Variants in GULP1 observed in about 807,000 individuals in gnomAD.
GULP1 encodes GULP PTB domain containing engulfment adaptor 1, also known as PTB domain-containing engulfment adapter protein 1.
Under a neutral mutation model 40.9 loss-of-function variants are expected in GULP1, and 19 were observed. The ratio of observed to expected loss-of-function variants is 0.46; its 90% CI spans 0.32 to 0.68. The LOEUF is 0.68. GULP1 is among the 30% of genes least tolerant of loss of function. The pLI is 0.03. For missense variants in GULP1, 312 were observed against 362.2 expected (o/e 0.86, Z 1.12); for synonymous variants, 119 against 117.6 (o/e 1.01, Z -0.08).
At chr2:188,566,681 A>AGC (rs1697764361) in intron 7 of GULP1, among the ~76,000 whole-genome samples, 2 of 151,022 alleles carry the variant, frequency 1.3e-5, no homozygotes, top group South Asian at 4.2e-4. Context: ...CTGTAGTCCC[A>AGC]GCTACTCAGG....
chr2:188,426,476 A>C, intron 2 of GULP1, among the ~76,000 whole-genome samples: 1 of 152,176 alleles, frequency 6.6e-6, no homozygotes. Flanking sequence ...TTCTGTACAG[A>C]ATACAGATTC....
chr2:188,504,459 C>A (rs1239954725), intron 4 of GULP1, among the ~76,000 whole-genome samples: 4 of 151,746 alleles, frequency 2.6e-5, no homozygotes, highest in African/African-American at 9.7e-5. Flanking sequence ...GTTGTTATAA[C>A]AATTATAAAG....
intron 9 of GULP1, among the ~76,000 whole-genome samples, chr2:188,575,205 T>G (rs1279383776): frequency 6.6e-6 from 1 of 152,206 alleles, no homozygotes; most frequent in African/African-American, 2.4e-5. Context: ...AAATTGTTCT[T>G]AGTAGTAGAC....
At chr2:188,536,476 T>C (rs1466677413) in intron 6 of GULP1, among the ~76,000 whole-genome samples, 1 of 152,192 alleles carries the variant, frequency 6.6e-6, no homozygotes, top group Non-Finnish European at 1.5e-5. Context: ...TTGTTGACTT[T>C]GTCAAAGATC....
At chr2:188,483,372 A>G (rs1204006316) in intron 3 of GULP1, 59 bp from the exon 4 acceptor site, 4 of 751,736 alleles carry the variant, frequency 5.3e-6, no homozygotes, top group Admixed American at 2.0e-5. Flanking sequence ...ACAAATGGTA[A>G]TGCGTGAATA....
At chr2:188,348,673 T>C (rs1373095680) in intron 1 of GULP1, among the ~76,000 whole-genome samples, 3 of 152,180 alleles carry the variant, frequency 2.0e-5, no homozygotes, top group Non-Finnish European at 2.9e-5. Context: ...ATAATTATCA[T>C]TTCATAAGAG....
Position 188,364,738 on chromosome 2 carries a change from CTATA to C in GULP1, c.-171-19019_-171-19016del, listed in dbSNP as rs971287228. On this transcript the variant is annotated intron_variant, in intron 1 of 11. Coordinates refer to ENST00000409830, the MANE Select transcript of GULP1 (RefSeq NM_016315.4). Reference sequence around the variant, plus strand: ...GTGTATGTATATATCATATACATATCTATATATATGATACATATACATATATACA... The same window carrying C: ...GTGTATGTATATATCATATACATATCTATATGATACATATACATATATACA... Among the ~76,000 whole-genome samples, 8 of 148,478 alleles carry C rather than the reference CTATA, an allele frequency of 5.4e-5. 1 individual carries two copies. The highest frequency in any genetic ancestry group is 3.4e-4 in the Admixed American group (5 of 14,792).
intron 2 of GULP1, among the ~76,000 whole-genome samples, chr2:188,412,581 G>T (rs574635625): frequency 2.0e-5 from 3 of 152,182 alleles, no homozygotes; most frequent in Admixed American, 6.5e-5. Context: ...ATGAGATTTG[G>T]GTGGGGACAC....
chr2:188,400,597 A>G (rs578259875), intron 2 of GULP1, among the ~76,000 whole-genome samples: 1 of 152,172 alleles, frequency 6.6e-6, no homozygotes, highest in African/African-American at 2.4e-5. Flanking sequence ...CAGGTGGATG[A>G]CCTAATCAGA....
At chr2:188,466,905 G>A (rs1575441884) in intron 2 of GULP1, among the ~76,000 whole-genome samples, 1 of 152,092 alleles carries the variant, frequency 6.6e-6, no homozygotes, top group South Asian at 2.1e-4. Context: ...CTTGAATTCT[G>A]CCTTTCAAAC....
chr2:188,520,746 G>A (rs2065674224), intron 4 of GULP1, among the ~76,000 whole-genome samples: 1 of 151,984 alleles, frequency 6.6e-6, no homozygotes, highest in Non-Finnish European at 1.5e-5. Context: ...TTTAGACTTT[G>A]GTACAAGGAG....
Position 188,594,471 on chromosome 2 carries a change from G to A in GULP1, c.*460G>A, listed in dbSNP as rs984096409. 6.6e-6 allele frequency: 1 copy of A among 152,506 alleles called. No individual in the cohort carries two copies. Among genetic ancestry groups the A allele is most frequent in the Admixed American group, 6.5e-5 (1 of 15,290 alleles). 9.4% of individuals were successfully genotyped at this position (152,506 alleles called of 1,614,324 possible). A position where few individuals can be genotyped will look rare whatever the true frequency, so the allele number is the denominator to read the frequency against. On this transcript the variant is annotated 3_prime_UTR_variant, in exon 12 of 12. Transcript: ENST00000409830. ...CCAACAAACATGTTACTATTCATTG[G>A]ACAGATATCATTTTATGTATAAATA...
At chr2:188,586,455 C>G (rs77488113) in intron 10 of GULP1, among the ~76,000 whole-genome samples, 1 of 152,082 alleles carries the variant, frequency 6.6e-6, no homozygotes, top group Non-Finnish European at 1.5e-5. Context: ...GGACATTTCT[C>G]CAGAGAAAAG....
intron 1 of GULP1, among the ~76,000 whole-genome samples, chr2:188,309,332 G>T (rs1171099162): frequency 6.6e-6 from 1 of 152,070 alleles, no homozygotes; most frequent in Admixed American, 6.6e-5. Flanking sequence ...CTGGCATGGG[G>T]ATGTGCACCT....
intron 9 of GULP1, among the ~76,000 whole-genome samples, chr2:188,583,205 A>G (rs1282902842): frequency 6.6e-6 from 1 of 152,120 alleles, no homozygotes; most frequent in Admixed American, 6.5e-5. Context: ...GATGACAGCA[A>G]TTTTCCTGCA....
At chr2:188,421,833 G>A (rs1177908710) in intron 2 of GULP1, among the ~76,000 whole-genome samples, 1 of 152,130 alleles carries the variant, frequency 6.6e-6, no homozygotes, top group Non-Finnish European at 1.5e-5. Context: ...CAAAGCAGAA[G>A]AATGGAAAAT....
chr2:188,399,188 A>G (rs2051732532), intron 2 of GULP1, among the ~76,000 whole-genome samples: 1 of 152,210 alleles, frequency 6.6e-6, no homozygotes, highest in Non-Finnish European at 1.5e-5. Flanking sequence ...CTTAGCACAT[A>G]AAATTTGAGG....
At chr2:188,368,265 A>G (rs753419681) in intron 1 of GULP1, among the ~76,000 whole-genome samples, 139 of 152,256 alleles carry the variant, frequency 9.1e-4, no homozygotes, top group Non-Finnish European at 1.9e-3. Context: ...TGCGACATTG[A>G]TGGAACCTAT....
chr2:188,320,808 A>G (rs2039861228), intron 1 of GULP1, among the ~76,000 whole-genome samples: 1 of 151,984 alleles, frequency 6.6e-6, no homozygotes, highest in African/African-American at 2.4e-5. Context: ...AAATTTGCAA[A>G]ACTCAGTAAT....
Sources: gnomAD v4.1 joint callset for allele counts (sites outside exome capture counted in the v4.1 genomes callset) on GRCh38, gnomAD v4.1.1 for gene constraint, MANE v1.5 for transcripts, NCBI Gene and HGNC (gene_info 2026-07-23, HGNC 2026-07-21) for gene names.